PPP1R1C: variants seen among roughly 807,000 people sequenced by gnomAD.
The protein encoded by PPP1R1C is protein phosphatase 1 regulatory inhibitor subunit 1C, also known as protein phosphatase 1 regulatory subunit 1C.
A neutral mutation model predicts 17.4 loss-of-function variants in PPP1R1C; 15 were observed. The observed-to-expected ratio is 0.86, with a 90% CI of 0.58 to 1.33. PPP1R1C has a LOEUF of 1.33. PPP1R1C is among the 40% of genes most tolerant of loss of function. The pLI is 0.00. For missense variants in PPP1R1C, 143 were observed against 130.0 expected (o/e 1.10, Z -0.48); for synonymous variants, 35 against 43.1 (o/e 0.81, Z 0.73).
chr2:181,990,870 T>C (rs1262723824), intron 2 of PPP1R1C, among the ~76,000 whole-genome samples: 2 of 152,190 alleles, frequency 1.3e-5, no homozygotes, highest in Non-Finnish European at 2.9e-5. Flanking sequence ...CTTTAAATCC[T>C]GGTAAAACTA....
At chr2:182,009,674 T>A (rs1177855150) in intron 2 of PPP1R1C, among the ~76,000 whole-genome samples, 1 of 152,096 alleles carries the variant, frequency 6.6e-6, no homozygotes, top group Non-Finnish European at 1.5e-5. Context: ...CCTGTGCTTG[T>A]GAGGTATCAT....
At chr2:181,987,922 A>G in intron 2 of PPP1R1C, 23 bp downstream of exon 2, 2 of 1,577,440 alleles carry the variant, frequency 1.3e-6, no homozygotes, top group Non-Finnish European at 1.7e-6. Flanking sequence ...GATGTGTTTC[A>G]CACTGATGGA....
At chr2:182,059,968 A>G (rs1041636988) in intron 2 of PPP1R1C, among the ~76,000 whole-genome samples, 1 of 152,126 alleles carries the variant, frequency 6.6e-6, no homozygotes, top group African/African-American at 2.4e-5. Flanking sequence ...TAATCATCCA[A>G]TGGATCACAG....
chr2:182,092,128 G>A (rs1190859579), intron 4 of PPP1R1C, among the ~76,000 whole-genome samples: 2 of 152,194 alleles, frequency 1.3e-5, no homozygotes, highest in African/African-American at 4.8e-5. Context: ...TGCTGATAAA[G>A]ACATACCTGA....
At chr2:182,001,217 T>C (rs904464589) in intron 2 of PPP1R1C, among the ~76,000 whole-genome samples, 2 of 152,172 alleles carry the variant, frequency 1.3e-5, no homozygotes, top group Non-Finnish European at 2.9e-5. Context: ...GCTGGTTGTT[T>C]CACTGTTTTA....
chr2:181,973,633 A>G (rs1166260689), intron 1 of PPP1R1C, among the ~76,000 whole-genome samples: 2 of 152,326 alleles, frequency 1.3e-5, no homozygotes, highest in East Asian at 3.9e-4. Context: ...AGAGCTGATC[A>G]TTTGTTGAAG....
chr2:181,994,458 G>A (rs1431798873), intron 2 of PPP1R1C, among the ~76,000 whole-genome samples: 1 of 151,924 alleles, frequency 6.6e-6, no homozygotes, highest in Non-Finnish European at 1.5e-5. Flanking sequence ...TATTGAAGTA[G>A]TTCTCTCATG....
intron 2 of PPP1R1C, among the ~76,000 whole-genome samples, chr2:182,050,503 A>G (rs1389637613): frequency 6.6e-6 from 1 of 152,124 alleles, no homozygotes; most frequent in Non-Finnish European, 1.5e-5. Context: ...CCACCCTCCA[A>G]GCCTCTGCTT....
intron 2 of PPP1R1C, among the ~76,000 whole-genome samples, chr2:182,053,666 A>G (rs1387722766): frequency 6.6e-6 from 1 of 152,024 alleles, no homozygotes; most frequent in Non-Finnish European, 1.5e-5. Flanking sequence ...TTTATTTATA[A>G]TATTTATGTA....
intron 3 of PPP1R1C, among the ~76,000 whole-genome samples, chr2:182,062,120 G>A (rs1217415529): frequency 1.3e-5 from 2 of 152,028 alleles, no homozygotes; most frequent in Non-Finnish European, 2.9e-5. Flanking sequence ...AATAAATATT[G>A]AATAGGATGC....
chr2:182,098,348 C>T (rs1689004089), intron 4 of PPP1R1C, among the ~76,000 whole-genome samples: 3 of 152,094 alleles, frequency 2.0e-5, no homozygotes, highest in Admixed American at 6.5e-5. Context: ...ACAAAAAATG[C>T]TCATTAACTT....
rs550703420 is a variant in PPP1R1C, at chr2:182,101,214, C to A, written c.242-15993C>A. Among the ~76,000 whole-genome samples, 18 of 152,280 alleles carry A rather than the reference C, an allele frequency of 1.2e-4. 1 individual carries two copies. The South Asian group carries it at 3.7e-3, about 32-fold the overall frequency. On this transcript the variant is annotated intron_variant, in intron 4 of 4. Coordinates refer to ENST00000682840, the MANE Select transcript of PPP1R1C (RefSeq NM_001080545.3). ...ATTGGTGAATTTCCCGAGCAGGCAGCCTCCAATTGTAGAAAAGAATTGTGT... is the reference window on the plus strand; with the variant it reads ...ATTGGTGAATTTCCCGAGCAGGCAGACTCCAATTGTAGAAAAGAATTGTGT...
At chr2:182,093,248 C>G (rs1225960145) in intron 4 of PPP1R1C, among the ~76,000 whole-genome samples, 1 of 152,212 alleles carries the variant, frequency 6.6e-6, no homozygotes, top group Admixed American at 6.5e-5. Flanking sequence ...CTGAGCTCTA[C>G]ATTGGCCCCT....
chr2:181,990,352 G>A (rs1455054908), intron 2 of PPP1R1C, among the ~76,000 whole-genome samples: 1 of 151,878 alleles, frequency 6.6e-6, no homozygotes, highest in South Asian at 2.1e-4. Context: ...CACCGTGTTA[G>A]CCGGATGGTC....
chr2:182,113,495 A>G (rs1003420813), intron 4 of PPP1R1C, among the ~76,000 whole-genome samples: 5 of 152,176 alleles, frequency 3.3e-5, no homozygotes, highest in African/African-American at 7.2e-5. Context: ...TGTTGCAGGA[A>G]AAGTCTGACC....
intron 4 of PPP1R1C, among the ~76,000 whole-genome samples, chr2:182,106,351 A>G (rs1009429114): frequency 6.6e-6 from 1 of 152,190 alleles, no homozygotes; most frequent in African/African-American, 2.4e-5. Context: ...CATACAAACG[A>G]GCAGCTAGAT....
intron 2 of PPP1R1C, among the ~76,000 whole-genome samples, chr2:181,993,093 C>G (rs1685512927): frequency 6.6e-6 from 1 of 152,102 alleles, no homozygotes. Flanking sequence ...TCCTGAGACA[C>G]TGGATGATAG....
intron 1 of PPP1R1C, among the ~76,000 whole-genome samples, chr2:181,966,916 G>T (rs537962341): frequency 1.3e-5 from 2 of 152,220 alleles, no homozygotes; most frequent in East Asian, 3.9e-4. Context: ...GTAATATTTA[G>T]CAGTGAAGCC....
At chr2:182,069,148 CT>C (rs1688070924) in intron 4 of PPP1R1C, among the ~76,000 whole-genome samples, 1 of 152,030 alleles carries the variant, frequency 6.6e-6, no homozygotes, top group East Asian at 1.9e-4. Flanking sequence ...TAAATCTTGG[CT>C]TTTTTGTTTG....
Sources: gnomAD v4.1 joint callset for allele counts (sites outside exome capture counted in the v4.1 genomes callset) on GRCh38, gnomAD v4.1.1 for gene constraint, MANE v1.5 for transcripts, NCBI Gene and HGNC (gene_info 2026-07-23, HGNC 2026-07-21) for gene names.